PCDHA7: variants seen among roughly 807,000 people sequenced by gnomAD.
PCDHA7 encodes protocadherin alpha 7, also known as protocadherin alpha-7.
Under a neutral mutation model 57.2 loss-of-function variants are expected in PCDHA7, and 37 were observed. The ratio of observed to expected loss-of-function variants is 0.65; its 90% CI spans 0.50 to 0.85. The LOEUF (loss-of-function observed/expected upper bound fraction) is 0.85, where lower values mean the gene tolerates loss of function less well. PCDHA7 is among the 40% of genes least tolerant of loss of function. The pLI is 0.00. For missense variants in PCDHA7, 1,188 were observed against 1,241.8 expected (o/e 0.96, Z 0.65); for synonymous variants, 553 against 558.8 (o/e 0.99, Z 0.15).
intron 1 of PCDHA7, chr5:140,842,928 G>A (rs2150347921): frequency 6.3e-7 from 1 of 1,594,252 alleles, no homozygotes; most frequent in Admixed American, 1.7e-5. Flanking sequence ...TTCCAGGTGA[G>A]CGCGCGCGAC....
intron 1 of PCDHA7, among the ~76,000 whole-genome samples, chr5:140,978,464 C>T (rs1281042342): frequency 5.3e-5 from 8 of 152,226 alleles, no homozygotes; most frequent in Non-Finnish European, 2.9e-5. Flanking sequence ...CGCCCTGGGT[C>T]AAATATGCTG....
In PCDHA7 at chr5:141,010,203, C is replaced by T; in HGVS notation, c.*266C>T. ...AGACCCAAGTTTCCTTTCTCCTCCG[C>T]CGCAAAGGAGAGGCTTCCCAGCCCC... On this transcript the variant is annotated 3_prime_UTR_variant, in exon 4 of 4. Coordinates refer to ENST00000525929, the MANE Select transcript of PCDHA7 (RefSeq NM_018910.3). The T allele has an allele frequency of 1.3e-6, 2 of 1,552,032 alleles. No homozygotes were observed. Among genetic ancestry groups the T allele is most frequent in the Non-Finnish European group, 1.7e-6 (2 of 1,147,066 alleles).
Position 140,843,369 on chromosome 5 carries a change from C to G in PCDHA7, c.2355+6631C>G, listed in dbSNP as rs2150358449. 8 of 1,596,038 alleles carry G rather than the reference C, an allele frequency of 5.0e-6. 2 individuals are homozygous for G. The highest frequency in any genetic ancestry group is 2.2e-5 in the South Asian group (2 of 90,512). On this transcript the variant is annotated intron_variant, in intron 1 of 3. Transcript: ENST00000525929. ...GCTCCAAAAGCGTCATCGAGGCAGT[C>G]GGCTGGCGTTTTGGGTCCGGAAGCG... is the stretch of plus-strand genomic sequence containing the variant.
intron 3 of PCDHA7, among the ~76,000 whole-genome samples, chr5:140,995,128 C>T (rs2097665772): frequency 6.6e-6 from 1 of 152,146 alleles, no homozygotes; most frequent in African/African-American, 2.4e-5. Context: ...ATGCCTGAAA[C>T]CTCATTTAGT....
chr5:141,009,545 A>G, intron 3 of PCDHA7, 82 bp from the exon 4 acceptor site: 2 of 1,535,938 alleles, frequency 1.3e-6, no homozygotes, highest in Non-Finnish European at 1.8e-6. Flanking sequence ...CTGCCTATGC[A>G]GTACTCCTGT....
At chr5:140,877,177 C>A (rs1554169414) in intron 1 of PCDHA7, 1 of 1,613,802 alleles carries the variant, frequency 6.2e-7, no homozygotes. Context: ...GCTGGCGACT[C>A]CGGCTGGCAG....
chr5:140,982,992 A>G (rs1413932820), intron 3 of PCDHA7, among the ~76,000 whole-genome samples: 1 of 151,958 alleles, frequency 6.6e-6, no homozygotes, highest in African/African-American at 2.4e-5. Flanking sequence ...GAGAAAAAGA[A>G]GGAAAGAAAG....
At chr5:140,978,739 T>C (rs2096820890) in intron 1 of PCDHA7, among the ~76,000 whole-genome samples, 1 of 152,252 alleles carries the variant, frequency 6.6e-6, no homozygotes, top group Non-Finnish European at 1.5e-5. Context: ...TCTTCCAGGG[T>C]ATCTAATCTG....
At chr5:140,900,295 TTTA>T (rs1335445889) in intron 1 of PCDHA7, among the ~76,000 whole-genome samples, 3 of 152,152 alleles carry the variant, frequency 2.0e-5, no homozygotes, top group Non-Finnish European at 4.4e-5. Context: ...TTTCTGTTTT[TTTA>T]GACAGTCTCA....
At chr5:140,842,966 G>A (rs1481565497) in intron 1 of PCDHA7, 7 of 1,595,016 alleles carry the variant, frequency 4.4e-6, no homozygotes, top group East Asian at 2.2e-5. Context: ...GGGCAGCAAC[G>A]TGACGCTGCA....
intron 1 of PCDHA7, chr5:140,859,116 A>G (rs1210233743): frequency 6.7e-6 from 1 of 150,046 alleles, no homozygotes; most frequent in Non-Finnish European, 1.5e-5. Flanking sequence ...AAGAAAATGT[A>G]TGTTTCTTTT....
At chr5:141,008,367 G>A (rs2098373101) in intron 3 of PCDHA7, among the ~76,000 whole-genome samples, 1 of 152,144 alleles carries the variant, frequency 6.6e-6, no homozygotes, top group African/African-American at 2.4e-5. Flanking sequence ...AAGGAGCAGT[G>A]TTAGATACAT....
intron 1 of PCDHA7, among the ~76,000 whole-genome samples, chr5:140,923,975 T>C (rs1475895954): frequency 2.0e-5 from 3 of 152,222 alleles, no homozygotes; most frequent in African/African-American, 7.2e-5. Flanking sequence ...CCACACATAC[T>C]ATCCCTCTAG....
In PCDHA7 at chr5:140,843,388, G is replaced by A; in HGVS notation, c.2355+6650G>A. 18 of 1,596,064 alleles carry A rather than the reference G, an allele frequency of 1.1e-5. 1 individual carries two copies. Among genetic ancestry groups the A allele is most frequent in the Non-Finnish European group, 1.5e-5 (17 of 1,165,572 alleles). ...GGCAGTCGGCTGGCGTTTTGGGTCCGGAAGCGGCGCTGGTGGATGTCAACG... is the reference window on the plus strand; with the variant it reads ...GGCAGTCGGCTGGCGTTTTGGGTCCAGAAGCGGCGCTGGTGGATGTCAACG... On this transcript the variant is annotated intron_variant, in intron 1 of 3. Coordinates refer to ENST00000525929, the MANE Select transcript of PCDHA7 (RefSeq NM_018910.3).
At chr5:140,883,621 C>T (rs368758287) in intron 1 of PCDHA7, 80 of 1,613,850 alleles carry the variant, frequency 5.0e-5, no homozygotes, top group Non-Finnish European at 6.4e-5. Flanking sequence ...TGAACGACAA[C>T]GCGCCGGCGT....
At chr5:140,851,062 AGTGAGAATTATAAACT>A in intron 1 of PCDHA7, 1 of 1,372,160 alleles carries the variant, frequency 7.3e-7, no homozygotes, top group Non-Finnish European at 9.6e-7. Context: ...CTTGACTTCT[AGTGAGAATTATAAACT>A]GTATATTAAA....
In PCDHA7 at chr5:140,927,773, A is replaced by G. The variant is rs143568645; in HGVS notation, c.2356-51176A>G. ...GTGCACCCTAAAAGTGGGGAGGTGC[A>G]AGTAGCTGCTTCACTAGGTCCGCCT... is the stretch of plus-strand genomic sequence containing the variant. On this transcript the variant is annotated intron_variant, in intron 1 of 3. Coordinates refer to ENST00000525929, the MANE Select transcript of PCDHA7 (RefSeq NM_018910.3). 201 of 1,614,196 alleles carry G rather than the reference A, an allele frequency of 1.2e-4. 4 individuals carry two copies. In the Middle Eastern group the frequency reaches 2.1e-3, roughly 17 times the overall value.
chr5:140,960,886 A>G (rs1161636963), intron 1 of PCDHA7, among the ~76,000 whole-genome samples: 1 of 152,198 alleles, frequency 6.6e-6, no homozygotes, highest in African/African-American at 2.4e-5. Context: ...CACACTAATG[A>G]ATTTGGGGCA....
intron 1 of PCDHA7, among the ~76,000 whole-genome samples, chr5:140,952,925 G>T (rs144855694): frequency 8.2e-4 from 125 of 152,200 alleles, no homozygotes; most frequent in African/African-American, 2.8e-3. Flanking sequence ...GGCATGAGCA[G>T]GAGCAGGAGC....
Sources: allele counts gnomAD v4.1 joint callset (sites outside exome capture counted in the v4.1 genomes callset), GRCh38; gene constraint gnomAD v4.1.1; transcripts MANE v1.5; gene names NCBI Gene and HGNC (gene_info 2026-07-23, HGNC 2026-07-21).